Variants in MCCC1 observed in about 807,000 individuals in gnomAD.
The protein encoded by MCCC1 is methylcrotonoyl-CoA carboxylase subunit alpha, mitochondrial.
A neutral mutation model predicts 83.8 loss-of-function variants in MCCC1; 64 were observed. The observed-to-expected ratio is 0.76, with a 90% CI of 0.62 to 0.94. MCCC1 has a LOEUF of 0.94. Among genes scored for constraint, MCCC1 ranks in the 40% least tolerant of loss-of-function variants. The pLI is 0.00. For synonymous variants in MCCC1, 322 were observed against 315.4 expected (o/e 1.02, Z -0.22); for missense variants, 807 against 904.7 (o/e 0.89, Z 1.39).
rs184869674 is a variant in MCCC1, at chr3:183,097,084, T to C, written c.89+2268A>G. 6.6e-5 allele frequency among the ~76,000 whole-genome samples: 10 copies of C among 152,298 alleles called. No homozygotes were observed. The East Asian group carries it at 1.7e-3, about 26-fold the overall frequency. On this transcript the variant is annotated intron_variant, in intron 1 of 18. Coordinates refer to ENST00000265594, the MANE Select transcript of MCCC1 (RefSeq NM_020166.5). ...TAACTGTAATCCACTATCCCAACAA[T>C]GTTCTGATCATCTATTCCATTTTTC...
intron 8 of MCCC1, among the ~76,000 whole-genome samples, chr3:183,053,680 C>CCA (rs1715172195): frequency 2.7e-5 from 4 of 150,508 alleles, no homozygotes; most frequent in Admixed American, 2.6e-4. Flanking sequence ...TGGCAGGCGC[C>CCA]TGTAGTCCCA....
At chr3:183,055,110 G>A (rs1715307810) in intron 8 of MCCC1, among the ~76,000 whole-genome samples, 1 of 152,068 alleles carries the variant, frequency 6.6e-6, no homozygotes, top group Non-Finnish European at 1.5e-5. Context: ...GCATTAAAAA[G>A]GATAAAAAGC....
At chr3:183,112,463 C>A (rs978350557) in intron 1 of MCCC1, among the ~76,000 whole-genome samples, 3 of 152,104 alleles carry the variant, frequency 2.0e-5, no homozygotes, top group Non-Finnish European at 4.4e-5. Flanking sequence ...AAAGACAAGA[C>A]ATTTTCTCTC....
At chr3:183,027,786 C>T (rs1712731073) in intron 14 of MCCC1, among the ~76,000 whole-genome samples, 1 of 152,214 alleles carries the variant, frequency 6.6e-6, no homozygotes, top group Non-Finnish European at 1.5e-5. Flanking sequence ...AAGGCCCTAA[C>T]TCTCTTCAAT....
intron 4 of MCCC1, 125 bp from the exon 5 acceptor site, chr3:183,072,612 A>C (rs1314532899): frequency 9.5e-7 from 1 of 1,056,016 alleles, no homozygotes; most frequent in African/African-American, 1.6e-5. Flanking sequence ...GGTCTCTATT[A>C]AACTCTGTTT....
intron 10 of MCCC1, among the ~76,000 whole-genome samples, chr3:183,042,918 C>G (rs754901856): frequency 1.4e-4 from 21 of 152,220 alleles, no homozygotes; most frequent in Non-Finnish European, 2.8e-4. Flanking sequence ...AATCACTCTA[C>G]TATAAAGACG....
intron 1 of MCCC1, among the ~76,000 whole-genome samples, chr3:183,105,147 C>T (rs1719384817): frequency 6.6e-6 from 1 of 152,120 alleles, no homozygotes; most frequent in African/African-American, 2.4e-5. Flanking sequence ...GAGTTCGAGA[C>T]TATCCTGACC....
At chr3:183,029,750 C>T (rs1303505137) in intron 14 of MCCC1, among the ~76,000 whole-genome samples, 1 of 151,988 alleles carries the variant, frequency 6.6e-6, no homozygotes, top group Non-Finnish European at 1.5e-5. Flanking sequence ...TACAAAGCTG[C>T]CAAATTCTTC....
chr3:183,036,331 G>A (rs1481175482), intron 13 of MCCC1, among the ~76,000 whole-genome samples: 1 of 152,072 alleles, frequency 6.6e-6, no homozygotes, highest in Non-Finnish European at 1.5e-5. Context: ...AAAAGCGGAA[G>A]TAATTCGACA....
At chr3:183,100,951 G>A (rs1046026763), upstream of MCCC1, among the ~76,000 whole-genome samples, 4 of 152,386 alleles carry the variant, frequency 2.6e-5, no homozygotes, top group East Asian at 7.7e-4. Flanking sequence ...GCCAGCTGGA[G>A]TTCCGGGTGG....
chr3:183,063,134 C>T (rs990546289), intron 7 of MCCC1, among the ~76,000 whole-genome samples: 1 of 151,978 alleles, frequency 6.6e-6, no homozygotes, highest in African/African-American at 2.4e-5. Flanking sequence ...CAGGCGTCCA[C>T]CACCACACCT....
chr3:183,101,953 G>A (rs887627157), upstream of MCCC1, among the ~76,000 whole-genome samples: 5 of 151,946 alleles, frequency 3.3e-5, no homozygotes, highest in African/African-American at 9.7e-5. Context: ...GTGAGACCAC[G>A]AACCCACCAG....
chr3:183,025,434 A>G (rs1041745155), intron 15 of MCCC1, among the ~76,000 whole-genome samples: 3 of 152,238 alleles, frequency 2.0e-5, no homozygotes, highest in African/African-American at 7.2e-5. Flanking sequence ...AGTTCCTGAG[A>G]CAAAAAATGT....
At chr3:183,088,139 T>G (rs1353454669) in intron 3 of MCCC1, among the ~76,000 whole-genome samples, 2 of 151,778 alleles carry the variant, frequency 1.3e-5, no homozygotes, top group African/African-American at 4.8e-5. Context: ...TTAAAAAGCT[T>G]TGGGCTTTCT....
chr3:183,035,504 ATTT>A (rs34764997), intron 13 of MCCC1, among the ~76,000 whole-genome samples: 1 of 140,408 alleles, frequency 7.1e-6, no homozygotes, highest in Non-Finnish European at 1.5e-5. Context: ...TGAATTTCAG[ATTT>A]TTTTTTTTTT....
At chr3:183,076,396 A>C (rs1717077659) in intron 4 of MCCC1, among the ~76,000 whole-genome samples, 1 of 152,186 alleles carries the variant, frequency 6.6e-6, no homozygotes, top group Non-Finnish European at 1.5e-5. Flanking sequence ...ATTCTGTTAT[A>C]TGGATATACC....
chr3:183,045,147 C>T (rs995502103), intron 10 of MCCC1, among the ~76,000 whole-genome samples: 1 of 149,626 alleles, frequency 6.7e-6, no homozygotes, highest in African/African-American at 2.5e-5. Context: ...GTGGCGCGAT[C>T]TCGGCTTACT....
intron 3 of MCCC1, among the ~76,000 whole-genome samples, chr3:183,089,662 G>A (rs1351066628): frequency 1.3e-5 from 2 of 151,976 alleles, no homozygotes; most frequent in Non-Finnish European, 2.9e-5. Context: ...GTGGGAGGGG[G>A]TGGAAAGAAG....
At chr3:183,102,472 AG>A (rs1252258867), upstream of MCCC1, among the ~76,000 whole-genome samples, 4 of 152,208 alleles carry the variant, frequency 2.6e-5, no homozygotes, top group Non-Finnish European at 5.9e-5. Flanking sequence ...TTCACTATTA[AG>A]AAATCAATTA....
Sources: gnomAD v4.1 joint callset for allele counts (sites outside exome capture counted in the v4.1 genomes callset) on GRCh38, gnomAD v4.1.1 for gene constraint, MANE v1.5 for transcripts, NCBI Gene and HGNC (gene_info 2026-07-23, HGNC 2026-07-21) for gene names.